The following AKAP11 variants were observed in gnomAD, a reference collection of about 807,000 sequenced individuals.
AKAP11 encodes A-kinase anchoring protein 11.
AKAP11 carries 36 observed loss-of-function variants against 146.1 expected under a neutral mutation model. The observed-to-expected ratio is 0.25, with a 90% confidence interval of 0.19 to 0.33. The LOEUF is 0.33. AKAP11 is among the 10% of genes least tolerant of loss of function. AKAP11 has a pLI of 1.00. For synonymous variants in AKAP11, 780 were observed against 786.5 expected (o/e 0.99, Z 0.14); for missense variants, 2,201 against 2,197.0 (o/e 1.00, Z -0.04).
In AKAP11 at chr13:42,303,845, T is replaced by C; in HGVS notation, c.5099T>C (p.Val1700Ala). The C allele has an allele frequency of 6.3e-7, 1 of 1,584,952 alleles. No homozygotes were observed. Among genetic ancestry groups the C allele is most frequent in the South Asian group, 1.2e-5 (1 of 86,154 alleles). The change falls in exon 8 of 13, where the codon GTT (valine) becomes GCT (alanine). Residue 1700 changes from valine to alanine, a missense_variant. Physicochemically the swap from Val to Ala is moderately conservative, Grantham distance 64 (BLOSUM62 0). This residue lies in a region of AKAP11 where 1,867 missense variants were observed against 1,833.5 expected (regional missense o/e 1.02). Coordinates refer to ENST00000025301, the MANE Select transcript of AKAP11 (RefSeq NM_016248.4). Reference sequence around the variant, plus strand: ...ACCATGACAGCAGCTGTCACAAATGTTGGGCATGCTGTTAGCAGGTAAGTT... The same window carrying C: ...ACCATGACAGCAGCTGTCACAAATGCTGGGCATGCTGTTAGCAGGTAAGTT... ...TETMTAAVTN[V>A]GHAVSSSKEI...
At chr13:42,273,319 G>A (rs1424287211) in intron 1 of AKAP11, among the ~76,000 whole-genome samples, 3 of 151,468 alleles carry the variant, frequency 2.0e-5, no homozygotes, top group Non-Finnish European at 4.4e-5. Flanking sequence ...CCCAGTGCCT[G>A]GCATGATTGG....
chr13:42,301,998 T>C lies in AKAP11; in HGVS notation c.3252T>C (p.His1084=). Residue 1084 remains histidine, a synonymous_variant, in exon 8 of 13, where the codon CAT becomes CAC. Transcript: ENST00000025301. ...STALTCVDGL[H]VEDKQKVRDR... is the part of the protein sequence containing the mutation. Reference sequence around the variant, plus strand: ...CACTTACCTGTGTAGATGGTTTGCATGTGGAAGATAAACAGAAAGTCAGAG... The same window carrying C: ...CACTTACCTGTGTAGATGGTTTGCACGTGGAAGATAAACAGAAAGTCAGAG... 1.2e-6 allele frequency: 2 copies of C among 1,614,070 alleles called. No homozygotes were observed. The highest frequency in any genetic ancestry group is 1.7e-6 in the Non-Finnish European group (2 of 1,179,974).
rs143134095 is a variant in AKAP11 at position 42,311,426 on chromosome 13, C to T, written c.5274-1621C>T. 3.1e-3 allele frequency among the ~76,000 whole-genome samples: 470 copies of T among 152,184 alleles called. 2 individuals carry two copies. The highest frequency in any genetic ancestry group is 0.01 in the African/African-American group (433 of 41,514). On this transcript the variant is annotated intron_variant, in intron 9 of 12. Coordinates refer to ENST00000025301, the MANE Select transcript of AKAP11 (RefSeq NM_016248.4). ...TCTGCTGTTCTGTTGTAATTATTAA[C>T]GGTGAGGTCTTTAAAAAAGTGTCCT...
intron 11 of AKAP11, among the ~76,000 whole-genome samples, chr13:42,316,435 T>C (rs2138713849): frequency 6.6e-6 from 1 of 152,314 alleles, no homozygotes; most frequent in East Asian, 1.9e-4. Context: ...ACGCATGATA[T>C]TGGCCCATAA....
chr13:42,303,152 C>G lies in AKAP11; in HGVS notation c.4406C>G (p.Ala1469Gly), dbSNP rs565298791. Residue 1469 changes from alanine to glycine, a missense_variant, in exon 8 of 13, where the codon GCT (alanine) becomes GGT (glycine). Physicochemically the swap from Ala to Gly is moderately conservative, Grantham distance 60. Around this residue, in one of 3 missense-constraint regions of AKAP11, gnomAD observed 1,867 missense variants for 1,833.5 expected, o/e 1.02. Coordinates refer to ENST00000025301, the MANE Select transcript of AKAP11 (RefSeq NM_016248.4). ...CTGGTTCACAGCATAACAAAAGATG[C>G]TAAGGAAGAGTTGACAGCCTCTCTA... ...TSLVHSITKD[A>G]KEELTASLVG... The G allele has an allele frequency of 1.2e-6, 2 of 1,614,170 alleles. No homozygotes were observed. Among genetic ancestry groups the G allele is most frequent in the African/African-American group, 2.7e-5 (2 of 75,042 alleles).
intron 3 of AKAP11, among the ~76,000 whole-genome samples, chr13:42,287,485 C>T (rs1318510368): frequency 3.3e-5 from 5 of 151,930 alleles, no homozygotes; most frequent in African/African-American, 7.3e-5. Context: ...GGGGTTTCAC[C>T]GTGTTAGCCA....
At chr13:42,310,720 G>A (rs556106324) in intron 9 of AKAP11, among the ~76,000 whole-genome samples, 5 of 152,120 alleles carry the variant, frequency 3.3e-5, no homozygotes, top group African/African-American at 1.2e-4. Context: ...TTAGCCAGGC[G>A]TGGTGGCAGG....
At chr13:42,291,473 G>A (rs946212231) in intron 3 of AKAP11, among the ~76,000 whole-genome samples, 3 of 152,058 alleles carry the variant, frequency 2.0e-5, no homozygotes, top group African/African-American at 4.8e-5. Flanking sequence ...GGCTGGTCTC[G>A]AACTCCTTAC....
chr13:42,292,825 T>C (rs1443510857), intron 4 of AKAP11, among the ~76,000 whole-genome samples: 2 of 152,216 alleles, frequency 1.3e-5, no homozygotes, highest in African/African-American at 4.8e-5. Flanking sequence ...TGAATTTTTC[T>C]ACTCTGAAAC....
Position 42,303,666 on chromosome 13 carries a change from T to A in AKAP11, c.4920T>A (p.Ile1640=), listed in dbSNP as rs534632363. ...SRIFHLSVPQ[I]HVNLDKKAVL... ...TTTTTCATCTCAGTGTCCCTCAGAT[T>A]CATGTTAATCTTGATAAGAAGGCAG... is the stretch of plus-strand genomic sequence containing the variant. Residue 1640 remains isoleucine (I), a synonymous_variant, in exon 8 of 13, where the codon ATT becomes ATA. Transcript: ENST00000025301. The A allele has an allele frequency of 1.9e-6, 3 of 1,614,132 alleles. No individual in the cohort carries two copies. The highest frequency in any genetic ancestry group is 2.5e-6 in the Non-Finnish European group (3 of 1,179,992).
chr13:42,300,945 A>G lies in AKAP11; in HGVS notation c.2199A>G (p.Val733=), dbSNP rs373416358. ...DNIKYVSAES[V]VPSTQAVTFS... ...TCAAGTATGTGAGTGCAGAAAGTGT[A>G]GTGCCATCGACACAGGCTGTCACGT... Residue 733 remains valine, a synonymous_variant, in exon 8 of 13, where the codon GTA becomes GTG. Coordinates refer to ENST00000025301, the MANE Select transcript of AKAP11 (RefSeq NM_016248.4). 9 of 1,614,184 alleles carry G rather than the reference A, an allele frequency of 5.6e-6. No homozygotes were observed. The South Asian group carries it at 9.9e-5, about 18-fold the overall frequency.
chr13:42,316,230 G>C (rs1960815445), intron 11 of AKAP11, among the ~76,000 whole-genome samples: 1 of 152,140 alleles, frequency 6.6e-6, no homozygotes, highest in African/African-American at 2.4e-5. Context: ...AATTAATAGT[G>C]GTCTAGAATG....
chr13:42,276,819 G>A (rs1326191204), intron 1 of AKAP11, among the ~76,000 whole-genome samples: 1 of 152,136 alleles, frequency 6.6e-6, no homozygotes, highest in Non-Finnish European at 1.5e-5. Context: ...GGCAGCTTAG[G>A]ATAGATCCTT....
Position 42,301,761 on chromosome 13 carries a change from T to C in AKAP11, c.3015T>C (p.Asp1005=). 1 of 1,614,108 alleles carries C rather than the reference T, an allele frequency of 6.2e-7. No individual in the cohort carries two copies. Among genetic ancestry groups the C allele is most frequent in the Non-Finnish European group, 8.5e-7 (1 of 1,180,002 alleles). The change falls in exon 8 of 13, where the codon GAT becomes GAC. Residue 1005 remains aspartate (D), a synonymous_variant. Transcript: ENST00000025301. ...LTHCSLSAAK[D]CVPECKVSMV... ...ACTGCTCACTTTCAGCTGCAAAGGATTGTGTTCCAGAATGTAAAGTTTCTA... is the reference window on the plus strand; with the variant it reads ...ACTGCTCACTTTCAGCTGCAAAGGACTGTGTTCCAGAATGTAAAGTTTCTA...
chr13:42,293,059 A>G (rs1331577445), intron 4 of AKAP11, among the ~76,000 whole-genome samples: 1 of 152,200 alleles, frequency 6.6e-6, no homozygotes, highest in Non-Finnish European at 1.5e-5. Flanking sequence ...AAAAAGAGTA[A>G]GATCCTTTTC....
At position 42,322,470 on chromosome 13, in the gene AKAP11, A is replaced by G. The variant is rs922690018; in HGVS notation, c.*3242A>G. ...TATTCTTCCACAATTAATATATTCAATTTCCCATCAGTATATCACTTTAAA... is the reference window on the plus strand; with the variant it reads ...TATTCTTCCACAATTAATATATTCAGTTTCCCATCAGTATATCACTTTAAA... On this transcript the variant is annotated 3_prime_UTR_variant, in exon 13 of 13. Transcript: ENST00000025301. The G allele has an allele frequency of 1.3e-5, 2 of 152,246 alleles. No individual in the cohort carries two copies. Among genetic ancestry groups the G allele is most frequent in the African/African-American group, 4.8e-5 (2 of 41,434 alleles). The allele number at this position is 152,246 out of a possible 1,614,324, so 9.4% of individuals were successfully genotyped here.
At position 42,305,030 on chromosome 13, in the gene AKAP11, C is replaced by T. The variant is rs570684173; in HGVS notation, c.5117+1167C>T. ...CTTCCCAAAGTGCTGGGATCACAGG[C>T]GTGAGCCACCGCAACCAGCCATGCT... On this transcript the variant is annotated intron_variant, in intron 8 of 12. Coordinates refer to ENST00000025301, the MANE Select transcript of AKAP11 (RefSeq NM_016248.4). 6.9e-4 allele frequency among the ~76,000 whole-genome samples: 105 copies of T among 152,280 alleles called. 1 individual carries two copies. The South Asian group carries it at 0.012, about 18-fold the overall frequency.
At position 42,302,080 on chromosome 13, in the gene AKAP11, A is replaced by T; in HGVS notation, c.3334A>T (p.Ser1112Cys). 6.2e-7 allele frequency: 1 copy of T among 1,614,192 alleles called. No homozygotes were observed. Reference sequence around the variant, plus strand: ...AACTCCTCTAGTACCATCCCGGGCTAGTTCTGAATGGGATATCAAGAAGTT... The same window carrying T: ...AACTCCTCTAGTACCATCCCGGGCTTGTTCTGAATGGGATATCAAGAAGTT... Reference protein sequence around the residue: ...PSTPLVPSRASSEWDIKKLTK... With the variant: ...PSTPLVPSRACSEWDIKKLTK... Residue 1112 changes from serine to cysteine, a missense_variant, in exon 8 of 13, where the codon AGT (serine) becomes TGT (cysteine). Physicochemically the swap from Ser to Cys is moderately radical, Grantham distance 112. This residue lies in a region of AKAP11 where 1,867 missense variants were observed against 1,833.5 expected (regional missense o/e 1.02). Coordinates refer to ENST00000025301, the MANE Select transcript of AKAP11 (RefSeq NM_016248.4).
chr13:42,317,783 A>C (rs920403851), intron 12 of AKAP11, 95 bp downstream of exon 12: 64 of 1,389,394 alleles, frequency 4.6e-5, no homozygotes, highest in Non-Finnish European at 6.0e-5. Flanking sequence ...GTGATGGTTA[A>C]ATTCTTAGGC....
Sources: gnomAD v4.1 joint callset for allele counts (sites outside exome capture counted in the v4.1 genomes callset) on GRCh38, gnomAD v4.1.1 for gene constraint, gnomAD v4.1.1 regional missense constraint, MANE v1.5 for transcripts, NCBI Gene and HGNC (gene_info 2026-07-23, HGNC 2026-07-21) for gene names.